NOVA2: variants seen among roughly 807,000 people sequenced by gnomAD.
NOVA2 encodes RNA-binding protein Nova-2.
NOVA2 carries 9 observed loss-of-function variants against 22.5 expected under a neutral mutation model. The observed-to-expected ratio is 0.40, with a 90% confidence interval of 0.24 to 0.70. NOVA2 has a LOEUF of 0.70. Ranked by LOEUF, NOVA2 falls within the 30% of genes least tolerant of loss-of-function variation. The probability of loss-of-function intolerance (pLI) is 0.38; values close to 1 mark genes in which losing one functional copy is unlikely to be tolerated. For synonymous variants in NOVA2, 318 were observed against 335.2 expected (o/e 0.95, Z 0.56); for missense variants, 383 against 682.8 (o/e 0.56, Z 4.89).
chr19:45,958,568 AG>A (rs1309516013), intron 2 of NOVA2, among the ~76,000 whole-genome samples: 1 of 141,166 alleles, frequency 7.1e-6, no homozygotes, highest in Non-Finnish European at 1.6e-5. Flanking sequence ...TGTGGGTGTG[AG>A]GGTGTGAGTG....
chr19:45,956,970 C>G (rs573213605), intron 2 of NOVA2, among the ~76,000 whole-genome samples: 17 of 151,998 alleles, frequency 1.1e-4, no homozygotes, highest in African/African-American at 3.9e-4. Flanking sequence ...GTGATCAGCT[C>G]TATGTGTGTA....
At chr19:45,960,684 T>C (rs1968081745) in intron 2 of NOVA2, among the ~76,000 whole-genome samples, 1 of 151,950 alleles carries the variant, frequency 6.6e-6, no homozygotes, top group Non-Finnish European at 1.5e-5. Flanking sequence ...AGGGACGCCC[T>C]GACACCTGCC....
At position 45,963,083 on chromosome 19, in the gene NOVA2, G is replaced by A. The variant is rs575054298; in HGVS notation, c.86-1930C>T. On this transcript the variant is annotated intron_variant, in intron 1 of 3. Coordinates refer to ENST00000263257, the MANE Select transcript of NOVA2 (RefSeq NM_002516.4). ...TTCTGGACACTTCTCAGTATAAGAA[G>A]ACCCTTTGCGGCCGGGAGCGGTAGC... is the stretch of plus-strand genomic sequence containing the variant. 2.6e-4 allele frequency among the ~76,000 whole-genome samples: 39 copies of A among 152,178 alleles called. 1 individual carries two copies. The highest frequency in any genetic ancestry group is 8.2e-4 in the African/African-American group (34 of 41,544).
chr19:45,972,950 C>T (rs913410131), intron 1 of NOVA2, among the ~76,000 whole-genome samples: 123 of 152,040 alleles, frequency 8.1e-4, no homozygotes, highest in African/African-American at 2.9e-3. Flanking sequence ...GAAAGGGTCA[C>T]ATCACACACC....
intron 3 of NOVA2, among the ~76,000 whole-genome samples, chr19:45,946,358 A>G (rs1179388203): frequency 6.6e-6 from 1 of 152,232 alleles, no homozygotes; most frequent in Non-Finnish European, 1.5e-5. Context: ...AGGTGTAACA[A>G]TCAAATGCAA....
chr19:45,953,923 C>T lies in NOVA2; in HGVS notation c.253G>A (p.Val85Ile). The T allele has an allele frequency of 1.9e-6, 3 of 1,614,188 alleles. No homozygotes were observed. The highest frequency in any genetic ancestry group is 2.2e-5 in the East Asian group (1 of 44,884). The stretch of plus-strand genomic sequence containing the variant: ...TTCAAGGCCTCTGCCGTGCCCTGTA[C>T]TAGGCATACCCGCTCTGTGGTTCCT... ...YPGTTERVCL[V>I]QGTAEALNAV... Residue 85 changes from valine to isoleucine, a missense_variant, in exon 3 of 4, where the codon GTA (valine) becomes ATA (isoleucine). By Grantham distance (29) the Val-to-Ile change is conservative. Transcript: ENST00000263257.
At chr19:45,970,522 C>G (rs953133697) in intron 1 of NOVA2, among the ~76,000 whole-genome samples, 1 of 151,764 alleles carries the variant, frequency 6.6e-6, no homozygotes, top group Non-Finnish European at 1.5e-5. Context: ...ACTATAGGCG[C>G]CCACCACCAT....
chr19:45,960,534 T>C (rs1258491812), intron 2 of NOVA2, among the ~76,000 whole-genome samples: 1 of 141,238 alleles, frequency 7.1e-6, no homozygotes, highest in East Asian at 2.1e-4. Context: ...AGACGAGAAG[T>C]CAGAAACAGA....
chr19:45,953,663 G>A, intron 3 of NOVA2, 117 bp downstream of exon 3: 1 of 1,285,342 alleles, frequency 7.8e-7, no homozygotes, highest in Admixed American at 1.8e-5. Context: ...GTCTTTGACT[G>A]ATGAGATTTT....
chr19:45,943,924 A>G (rs1967799813), intron 3 of NOVA2, among the ~76,000 whole-genome samples: 1 of 152,202 alleles, frequency 6.6e-6, no homozygotes, highest in African/African-American at 2.4e-5. Context: ...CCAGTAAATC[A>G]AGAGCAGATT....
chr19:45,946,856 T>C (rs1350968293), intron 3 of NOVA2, among the ~76,000 whole-genome samples: 1 of 140,626 alleles, frequency 7.1e-6, no homozygotes, highest in African/African-American at 2.7e-5. Flanking sequence ...GCCTGGTGAG[T>C]GAGCAAGACT....
At chr19:45,953,391 A>G (rs927012263) in intron 3 of NOVA2, among the ~76,000 whole-genome samples, 2 of 152,174 alleles carry the variant, frequency 1.3e-5, no homozygotes, top group African/African-American at 4.8e-5. Context: ...ACTCTTCTGG[A>G]TGTGGCTGAA....
rs114010568 is a variant in NOVA2 at position 45,948,321 on chromosome 19, C to T, written c.396+5459G>A. On this transcript the variant is annotated intron_variant, in intron 3 of 3. Transcript: ENST00000263257. The stretch of plus-strand genomic sequence containing the variant: ...CACTCAAGAAATGATTATTGTCAGC[C>T]GGGCGTGGGGGCTCATGCCTGTAAT... Among the ~76,000 whole-genome samples, 845 of 152,198 alleles carry T rather than the reference C, an allele frequency of 5.6e-3. 5 individuals are homozygous for T. Among genetic ancestry groups the T allele is most frequent in the African/African-American group, 0.02 (811 of 41,528 alleles).
At chr19:45,956,771 T>C (rs1968012065) in intron 2 of NOVA2, among the ~76,000 whole-genome samples, 1 of 152,228 alleles carries the variant, frequency 6.6e-6, no homozygotes, top group South Asian at 2.1e-4. Flanking sequence ...ACTTTATACA[T>C]ACGTGTTCAC....
chr19:45,940,607 C>G lies in NOVA2; in HGVS notation c.735G>C (p.Ser245=). The G allele has an allele frequency of 7.0e-7, 1 of 1,423,722 alleles. No individual in the cohort carries two copies. Among genetic ancestry groups the G allele is most frequent in the East Asian group, 2.8e-5 (1 of 35,442 alleles). 88.2% of individuals were successfully genotyped at this position (1,423,722 alleles called of 1,614,324 possible). A position where few individuals can be genotyped will look rare whatever the true frequency, so the allele number is the denominator to read the frequency against. Residue 245 remains serine, a synonymous_variant, in exon 4 of 4, where the codon TCG becomes TCC. Transcript: ENST00000263257. ...CCAGCAGGCCGGAGGCGGCGGCGGC[C>G]GACGCTGCGGCCGCGGCTGGCAGCA... ...ADVLPAAAAA[S]AAAASGLLGP...
chr19:45,966,260 T>A (rs1270504438), intron 1 of NOVA2, among the ~76,000 whole-genome samples: 1 of 152,276 alleles, frequency 6.6e-6, no homozygotes, highest in African/African-American at 2.4e-5. Context: ...GTACTGGAAT[T>A]GTTCTTTCTT....
chr19:45,940,999 A>T, intron 3 of NOVA2, 54 bp from the exon 4 acceptor site: 1 of 1,484,074 alleles, frequency 6.7e-7, no homozygotes, highest in Non-Finnish European at 8.9e-7. Flanking sequence ...AAAAAATTAA[A>T]TTAAATTAGG....
intron 1 of NOVA2, among the ~76,000 whole-genome samples, chr19:45,963,612 C>A (rs899770585): frequency 6.6e-6 from 1 of 150,990 alleles, no homozygotes; most frequent in Admixed American, 6.6e-5. Flanking sequence ...GCTCACTGCA[C>A]GCTCCGCCTC....
chr19:45,955,520 G>A (rs961196476), intron 2 of NOVA2, among the ~76,000 whole-genome samples: 4 of 152,242 alleles, frequency 2.6e-5, no homozygotes, highest in African/African-American at 9.6e-5. Flanking sequence ...GAGTGTGAGT[G>A]TGTCTCTCTC....
Sources: gnomAD v4.1 joint callset for allele counts (sites outside exome capture counted in the v4.1 genomes callset) on GRCh38, gnomAD v4.1.1 for gene constraint, MANE v1.5 for transcripts, NCBI Gene and HGNC (gene_info 2026-07-23, HGNC 2026-07-21) for gene names.